GPC5: variants seen among roughly 807,000 people sequenced by gnomAD.
The protein encoded by GPC5 is glypican 5.
GPC5 carries 47 observed loss-of-function variants against 53.9 expected under a neutral mutation model. That is an observed-to-expected ratio of 0.87 (90% CI 0.69 to 1.11). GPC5 has a LOEUF of 1.11. Among genes scored for constraint, GPC5 ranks in the 50% most tolerant of loss-of-function variants. The pLI, the probability that GPC5 is intolerant of heterozygous loss-of-function variation, is 0.00. For missense variants in GPC5, 748 were observed against 713.1 expected, an observed-to-expected ratio of 1.05 and a Z score of -0.56; for synonymous variants, 286 against 263.3, an observed-to-expected ratio of 1.09 and a Z score of -0.84.
At chr13:92,064,198 G>A (rs2041146520) in intron 6 of GPC5, among the ~76,000 whole-genome samples, 1 of 152,154 alleles carries the variant, frequency 6.6e-6, no homozygotes, top group Non-Finnish European at 1.5e-5. Context: ...TTTCACTGAT[G>A]CCATTTTGCC....
chr13:91,504,852 G>C (rs375216337), intron 2 of GPC5, among the ~76,000 whole-genome samples: 1 of 152,100 alleles, frequency 6.6e-6, no homozygotes, highest in Non-Finnish European at 1.5e-5. Context: ...TACTTGGGAG[G>C]CTGAAGTAGG....
At chr13:91,690,393 A>G (rs144344690) in intron 2 of GPC5, among the ~76,000 whole-genome samples, 52 of 152,294 alleles carry the variant, frequency 3.4e-4, no homozygotes, top group African/African-American at 1.2e-3. Flanking sequence ...AAAACTGTAT[A>G]ATTTGTTCAG....
At chr13:91,733,995 A>G (rs765629564) in intron 4 of GPC5, among the ~76,000 whole-genome samples, 22 of 152,164 alleles carry the variant, frequency 1.4e-4, no homozygotes, top group Non-Finnish European at 2.8e-4. Context: ...ATTTTGAGAT[A>G]TGTTCCATCA....
chr13:91,768,118 C>G (rs9523407), intron 5 of GPC5, among the ~76,000 whole-genome samples: 3 of 151,902 alleles, frequency 2.0e-5, no homozygotes, highest in Non-Finnish European at 4.4e-5. Context: ...TATAAATTCA[C>G]TGTTGAATGA....
At chr13:91,407,347 C>A in intron 1 of GPC5, among the ~76,000 whole-genome samples, 1 of 152,168 alleles carries the variant, frequency 6.6e-6, no homozygotes, top group East Asian at 1.9e-4. Context: ...AATGAGTTGC[C>A]AGACAAAGGT....
At chr13:92,613,570 A>G (rs1027719127) in intron 7 of GPC5, among the ~76,000 whole-genome samples, 1 of 126,734 alleles carries the variant, frequency 7.9e-6, no homozygotes, top group Admixed American at 9.4e-5. Context: ...AATAATATAT[A>G]TAATATATAA....
intron 3 of GPC5, among the ~76,000 whole-genome samples, chr13:91,704,442 T>A (rs1477712921): frequency 6.6e-6 from 1 of 152,148 alleles, no homozygotes; most frequent in African/African-American, 2.4e-5. Context: ...TGGGCTAAGC[T>A]CCCACGGCAT....
At chr13:92,056,217 G>T (rs2041073297) in intron 6 of GPC5, among the ~76,000 whole-genome samples, 1 of 152,048 alleles carries the variant, frequency 6.6e-6, no homozygotes, top group Admixed American at 6.6e-5. Flanking sequence ...GCTAGCAACT[G>T]CCTGCTTTCC....
At chr13:91,723,080 T>A (rs191754304) in intron 3 of GPC5, among the ~76,000 whole-genome samples, 63 of 152,314 alleles carry the variant, frequency 4.1e-4, no homozygotes, top group Admixed American at 8.5e-4. Flanking sequence ...TGGAATTATT[T>A]GTACCTTGAA....
intron 5 of GPC5, among the ~76,000 whole-genome samples, chr13:91,765,905 A>G (rs576299250): frequency 6.6e-6 from 1 of 152,334 alleles, no homozygotes; most frequent in South Asian, 2.1e-4. Context: ...AAGTTTTCTG[A>G]GTGAGTAATC....
At chr13:92,754,301 G>A (rs1191541991) in intron 7 of GPC5, among the ~76,000 whole-genome samples, 1 of 152,068 alleles carries the variant, frequency 6.6e-6, no homozygotes, top group Non-Finnish European at 1.5e-5. Flanking sequence ...TCACCACCAG[G>A]CCTGCCCTAA....
intron 7 of GPC5, among the ~76,000 whole-genome samples, chr13:92,624,854 T>C (rs1384296867): frequency 7.9e-5 from 12 of 152,228 alleles, no homozygotes; most frequent in Non-Finnish European, 1.0e-4. Context: ...GGGCTTACTA[T>C]GCAAATATCC....
intron 2 of GPC5, among the ~76,000 whole-genome samples, chr13:91,487,298 A>T (rs995799101): frequency 1.3e-5 from 2 of 152,122 alleles, no homozygotes; most frequent in African/African-American, 4.8e-5. Flanking sequence ...GGAGTAATAG[A>T]TGGTTAGTAG....
intron 2 of GPC5, among the ~76,000 whole-genome samples, chr13:91,686,687 G>T (rs1473862008): frequency 6.6e-6 from 1 of 151,760 alleles, no homozygotes; most frequent in Non-Finnish European, 1.5e-5. Flanking sequence ...AAAGGAAATG[G>T]AATTAAAATT....
chr13:92,825,816 T>G (rs1877827217), intron 7 of GPC5, among the ~76,000 whole-genome samples: 1 of 152,290 alleles, frequency 6.6e-6, no homozygotes, highest in South Asian at 2.1e-4. Flanking sequence ...ATAAATGGAA[T>G]TATGCTATAG....
intron 6 of GPC5, among the ~76,000 whole-genome samples, chr13:92,121,396 A>G (rs2041648010): frequency 6.6e-6 from 1 of 152,212 alleles, no homozygotes; most frequent in South Asian, 2.1e-4. Context: ...CAATTGCTGA[A>G]TTAATCTGTC....
intron 7 of GPC5, among the ~76,000 whole-genome samples, chr13:92,809,888 G>T (rs1877231016): frequency 6.6e-6 from 1 of 152,022 alleles, no homozygotes; most frequent in Non-Finnish European, 1.5e-5. Flanking sequence ...AAGTCCTAGA[G>T]AAACTTGTAA....
At chr13:92,444,362 A>T (rs189054894) in intron 7 of GPC5, among the ~76,000 whole-genome samples, 2 of 152,126 alleles carry the variant, frequency 1.3e-5, no homozygotes, top group Non-Finnish European at 2.9e-5. Flanking sequence ...ATAAATATTT[A>T]TTGAGCAGCC....
At chr13:92,345,496 AC>A (rs1230217669) in intron 7 of GPC5, among the ~76,000 whole-genome samples, 2 of 152,042 alleles carry the variant, frequency 1.3e-5, no homozygotes, top group Non-Finnish European at 2.9e-5. Flanking sequence ...GCCACCCAAC[AC>A]CCACAGAAAG....
Sources: allele counts gnomAD v4.1 joint callset (sites outside exome capture counted in the v4.1 genomes callset), GRCh38; gene constraint gnomAD v4.1.1; transcripts MANE v1.5; gene names NCBI Gene and HGNC (gene_info 2026-07-23, HGNC 2026-07-21).